Variants in TTC21B observed in about 807,000 individuals in gnomAD.
The protein encoded by TTC21B is tetratricopeptide repeat protein 21B.
TTC21B carries 127 observed loss-of-function variants against 175.1 expected under a neutral mutation model. That is an observed-to-expected ratio of 0.73 (90% CI 0.63 to 0.84). The LOEUF (loss-of-function observed/expected upper bound fraction) is 0.84. Ranked by LOEUF, TTC21B falls within the 40% of genes least tolerant of loss-of-function variation. TTC21B has a pLI of 0.00. For synonymous variants in TTC21B, 524 were observed against 524.5 expected (o/e 1.00, Z 0.01); for missense variants, 1,561 against 1,558.3 (o/e 1.00, Z -0.03).
chr2:165,876,329 G>T, intron 27 of TTC21B, 97 bp from the exon 28 acceptor site: 2 of 804,354 alleles, frequency 2.5e-6, no homozygotes, highest in South Asian at 1.4e-5. Context: ...CTAGAGAATG[G>T]TAAGGGAGGC....
chr2:165,925,828 CA>C (rs947179739), intron 11 of TTC21B, among the ~76,000 whole-genome samples: 4 of 152,004 alleles, frequency 2.6e-5, no homozygotes, highest in Non-Finnish European at 5.9e-5. Context: ...GTAATAGATA[CA>C]GAGCAAACAG....
At chr2:165,912,676 C>T in intron 16 of TTC21B, 52 bp from the exon 17 acceptor site, 1 of 1,334,198 alleles carries the variant, frequency 7.5e-7, no homozygotes, top group Non-Finnish European at 1.1e-6. Flanking sequence ...ATAACTGGGT[C>T]CCATTAAAGG....
intron 17 of TTC21B, among the ~76,000 whole-genome samples, chr2:165,911,778 T>C (rs1370096932): frequency 6.6e-6 from 1 of 151,980 alleles, no homozygotes; most frequent in African/African-American, 2.4e-5. Context: ...TTCTCCTGCC[T>C]CAGCCTCCCA....
At chr2:165,898,491 T>G (rs1414846290) in intron 22 of TTC21B, 195 bp downstream of exon 22, 1 of 633,472 alleles carries the variant, frequency 1.6e-6, no homozygotes, top group Non-Finnish European at 2.8e-6. Flanking sequence ...GTGCTCATAA[T>G]TTAAAGTGAG....
intron 11 of TTC21B, among the ~76,000 whole-genome samples, chr2:165,925,489 A>G (rs1269429353): frequency 1.3e-5 from 2 of 152,104 alleles, no homozygotes; most frequent in East Asian, 3.9e-4. Context: ...TCTCCACCCC[A>G]AGCCCCCTGA....
intron 6 of TTC21B, among the ~76,000 whole-genome samples, chr2:165,937,402 T>C (rs1180148608): frequency 1.4e-4 from 22 of 152,154 alleles, no homozygotes; most frequent in Non-Finnish European, 7.4e-5. Flanking sequence ...ACCACTAGAA[T>C]GTACAACACC....
intron 1 of TTC21B, 151 bp downstream of exon 1, chr2:165,953,534 G>A: frequency 1.5e-6 from 2 of 1,351,660 alleles, no homozygotes; most frequent in South Asian, 1.3e-5. Context: ...AGAGGCTGCA[G>A]GCCCACCCCG....
intron 20 of TTC21B, among the ~76,000 whole-genome samples, chr2:165,901,029 GGAGCT>G (rs1423104506): frequency 6.6e-6 from 1 of 151,474 alleles, no homozygotes; most frequent in Non-Finnish European, 1.5e-5. Context: ...AGCACCCCAA[GGAGCT>G]GGGACTACAG....
chr2:165,897,058 A>T (rs193053957), intron 22 of TTC21B, among the ~76,000 whole-genome samples: 160 of 152,314 alleles, frequency 1.1e-3, no homozygotes, highest in African/African-American at 3.8e-3. Flanking sequence ...GTAACAACGT[A>T]GAACAAAAAG....
intron 6 of TTC21B, among the ~76,000 whole-genome samples, chr2:165,939,894 C>T (rs1044992848): frequency 1.3e-5 from 2 of 152,148 alleles, no homozygotes; most frequent in African/African-American, 4.8e-5. Context: ...GACTCCACCA[C>T]TAAGTAATTG....
At chr2:165,905,215 A>C (rs1475748579) in intron 19 of TTC21B, among the ~76,000 whole-genome samples, 2 of 152,208 alleles carry the variant, frequency 1.3e-5, no homozygotes, top group Non-Finnish European at 2.9e-5. Flanking sequence ...GAAAAATAAT[A>C]AAAGGAGGTA....
chr2:165,888,195 G>A (rs1685072361), intron 25 of TTC21B, 84 bp downstream of exon 25: 4 of 1,146,644 alleles, frequency 3.5e-6, no homozygotes, highest in Non-Finnish European at 5.1e-6. Flanking sequence ...TCAATCTTCA[G>A]AAAATAAACA....
At chr2:165,905,610 A>G (rs1357733831) in intron 19 of TTC21B, among the ~76,000 whole-genome samples, 1 of 152,208 alleles carries the variant, frequency 6.6e-6, no homozygotes, top group Non-Finnish European at 1.5e-5. Context: ...GTAATTCTAA[A>G]TCTGGATCAT....
In TTC21B at chr2:165,930,463, A is replaced by C. The variant is rs1560597; in HGVS notation, c.895-99T>G. On this transcript the variant is annotated intron_variant, in intron 8 of 28. Coordinates refer to ENST00000243344, the MANE Select transcript of TTC21B (RefSeq NM_024753.5). ...AAATATATATATTATTTGTACTTCA[A>C]AGGAGTGATGAAAAAGAAAAAAATT... 0.99 allele frequency: 902,603 copies of C among 912,964 alleles called. 446,838 individuals are homozygous for C. Among genetic ancestry groups the C allele is most frequent in the East Asian group, 1 (36,694 of 36,694 alleles). The allele number at this position is 912,964 out of a possible 1,614,324, so 56.6% of individuals were successfully genotyped here.
rs150118582 is a variant in TTC21B, at chr2:165,928,412, A to C, written c.1386+723T>G. Reference sequence around the variant, plus strand: ...GAAAGTTGGATGGACTTCCAGAATAAGGGAGGAAAAGGTCTACTCTAGTTC... The same window carrying C: ...GAAAGTTGGATGGACTTCCAGAATACGGGAGGAAAAGGTCTACTCTAGTTC... On this transcript the variant is annotated intron_variant, in intron 11 of 28. Coordinates refer to ENST00000243344, the MANE Select transcript of TTC21B (RefSeq NM_024753.5). Among the ~76,000 whole-genome samples the C allele has an allele frequency of 2.0e-3, 303 of 152,264 alleles. 1 individual carries two copies. Among genetic ancestry groups the C allele is most frequent in the African/African-American group, 7.2e-3 (299 of 41,580 alleles).
chr2:165,912,126 G>C (rs937651947), intron 17 of TTC21B, among the ~76,000 whole-genome samples: 1 of 151,960 alleles, frequency 6.6e-6, no homozygotes, highest in African/African-American at 2.4e-5. Flanking sequence ...GAATATAACA[G>C]TTCAAGAAAA....
chr2:165,881,370 C>T (rs1684828406), intron 26 of TTC21B, among the ~76,000 whole-genome samples: 1 of 152,086 alleles, frequency 6.6e-6, no homozygotes, highest in Admixed American at 6.6e-5. Context: ...TTTTAATTGT[C>T]TCAATATAAT....
At chr2:165,920,219 A>G (rs1188244845) in intron 12 of TTC21B, among the ~76,000 whole-genome samples, 1 of 152,112 alleles carries the variant, frequency 6.6e-6, no homozygotes, top group Admixed American at 6.6e-5. Flanking sequence ...TCCCCATTCA[A>G]CCTTGCTAGG....
At chr2:165,937,771 CCACACACACACACACACACACACA>C (rs4001021) in intron 6 of TTC21B, among the ~76,000 whole-genome samples, 55 of 127,568 alleles carry the variant, frequency 4.3e-4, no homozygotes, top group Non-Finnish European at 6.8e-4. Flanking sequence ...TATATAGAAA[CCACACACACACACACACACACACA>C]CACACACACA....
Sources: allele counts gnomAD v4.1 joint callset (sites outside exome capture counted in the v4.1 genomes callset), GRCh38; gene constraint gnomAD v4.1.1; transcripts MANE v1.5; gene names NCBI Gene and HGNC (gene_info 2026-07-23, HGNC 2026-07-21).